The following ARHGAP24 variants were observed in gnomAD, a reference collection of about 807,000 sequenced individuals.
ARHGAP24 encodes rho GTPase-activating protein 24.
In ARHGAP24, 50 loss-of-function variants were observed where a neutral mutation model predicts 76.4. The ratio of observed to expected loss-of-function variants is 0.65; its 90% confidence interval spans 0.52 to 0.83. ARHGAP24 has a LOEUF of 0.83. Among genes scored for constraint, ARHGAP24 ranks in the 40% least tolerant of loss-of-function variants. The pLI, the probability that ARHGAP24 is intolerant of heterozygous loss-of-function variation, is 0.00. For synonymous variants in ARHGAP24, 345 were observed against 323.3 expected (o/e 1.07, Z -0.72); for missense variants, 930 against 914.2 (o/e 1.02, Z -0.22).
At chr4:85,771,836 A>G (rs1727139637) in intron 3 of ARHGAP24, among the ~76,000 whole-genome samples, 1 of 151,992 alleles carries the variant, frequency 6.6e-6, no homozygotes, top group South Asian at 2.1e-4. Flanking sequence ...CAGCCTCCCA[A>G]GTATGTGGGA....
intron 4 of ARHGAP24, among the ~76,000 whole-genome samples, chr4:85,927,292 C>T (rs147128358): frequency 2.6e-5 from 4 of 152,020 alleles, no homozygotes; most frequent in Non-Finnish European, 2.9e-5. Flanking sequence ...GGGAAATGTA[C>T]AGAGACAGAA....
intron 8 of ARHGAP24, among the ~76,000 whole-genome samples, chr4:85,980,260 A>G (rs1366545631): frequency 1.3e-5 from 2 of 152,220 alleles, no homozygotes; most frequent in Non-Finnish European, 2.9e-5. Flanking sequence ...TTACATGCAT[A>G]ATAAACATAT....
chr4:85,840,771 C>G (rs1730556769), intron 3 of ARHGAP24, among the ~76,000 whole-genome samples: 1 of 152,088 alleles, frequency 6.6e-6, no homozygotes, highest in Non-Finnish European at 1.5e-5. Flanking sequence ...TGGTAATCAA[C>G]CTTAAGTTGT....
intron 1 of ARHGAP24, among the ~76,000 whole-genome samples, chr4:85,535,338 G>C (rs998549990): frequency 3.3e-5 from 5 of 152,112 alleles, no homozygotes; most frequent in African/African-American, 1.2e-4. Context: ...ACATTCAACT[G>C]GATAACATAC....
chr4:85,923,999 A>G (rs981882466), intron 4 of ARHGAP24, among the ~76,000 whole-genome samples: 7 of 152,150 alleles, frequency 4.6e-5, no homozygotes, highest in African/African-American at 1.7e-4. Context: ...GTTGAATGAT[A>G]AAAATGGGTG....
At chr4:85,878,477 G>T (rs1167638421) in intron 3 of ARHGAP24, among the ~76,000 whole-genome samples, 1 of 152,078 alleles carries the variant, frequency 6.6e-6, no homozygotes, top group South Asian at 2.1e-4. Flanking sequence ...CATCTTTTAA[G>T]ATAGAGAAGA....
chr4:85,895,373 A>G (rs1033211806), intron 3 of ARHGAP24, among the ~76,000 whole-genome samples: 10 of 152,134 alleles, frequency 6.6e-5, no homozygotes, highest in African/African-American at 2.4e-4. Flanking sequence ...TATCTACACT[A>G]TGGCCAGTTG....
chr4:85,516,458 AC>A (rs1724505815), intron 1 of ARHGAP24, among the ~76,000 whole-genome samples: 3 of 152,176 alleles, frequency 2.0e-5, no homozygotes, highest in African/African-American at 4.8e-5. Context: ...ATGTTGTTTC[AC>A]TTAAAGTTGC....
At chr4:85,976,409 C>G (rs1358652716) in intron 7 of ARHGAP24, among the ~76,000 whole-genome samples, 1 of 152,134 alleles carries the variant, frequency 6.6e-6, no homozygotes, top group Non-Finnish European at 1.5e-5. Context: ...AAGATCCCCC[C>G]TCTGGTACCA....
At chr4:85,898,078 A>G (rs1190553849) in intron 3 of ARHGAP24, among the ~76,000 whole-genome samples, 5 of 147,860 alleles carry the variant, frequency 3.4e-5, no homozygotes, top group Non-Finnish European at 7.4e-5. Context: ...TTTATTGGTT[A>G]GGATGTTTTT....
At chr4:85,935,334 ATAAG>A (rs1466771102) in intron 4 of ARHGAP24, among the ~76,000 whole-genome samples, 1 of 152,246 alleles carries the variant, frequency 6.6e-6, no homozygotes. Flanking sequence ...CGAAACATAA[ATAAG>A]TACTTTGTGA....
At chr4:85,535,736 A>G (rs950550384) in intron 1 of ARHGAP24, among the ~76,000 whole-genome samples, 3 of 152,046 alleles carry the variant, frequency 2.0e-5, no homozygotes, top group African/African-American at 7.2e-5. Context: ...TTGTATATAG[A>G]TGTGTATGTA....
chr4:85,533,550 A>T (rs1725352129), intron 1 of ARHGAP24, among the ~76,000 whole-genome samples: 1 of 152,124 alleles, frequency 6.6e-6, no homozygotes, highest in Non-Finnish European at 1.5e-5. Context: ...AAAGTGTTTC[A>T]TTAGCTTTAG....
At chr4:85,840,357 A>C (rs1224415179) in intron 3 of ARHGAP24, among the ~76,000 whole-genome samples, 1 of 152,198 alleles carries the variant, frequency 6.6e-6, no homozygotes, top group Non-Finnish European at 1.5e-5. Context: ...TGCATTTTAC[A>C]TCCTGCCTTT....
intron 1 of ARHGAP24, among the ~76,000 whole-genome samples, chr4:85,477,112 A>C (rs1360552030): frequency 6.6e-6 from 1 of 152,206 alleles, no homozygotes; most frequent in Non-Finnish European, 1.5e-5. Flanking sequence ...AAGTGGGGAT[A>C]AGAGATAAAC....
chr4:85,680,658 C>G (rs1723171681), intron 2 of ARHGAP24, among the ~76,000 whole-genome samples: 1 of 151,848 alleles, frequency 6.6e-6, no homozygotes, highest in Non-Finnish European at 1.5e-5. Context: ...AGTGACTAAT[C>G]CAGGGTCTCA....
At chr4:85,622,125 T>A (rs1006055308) in intron 2 of ARHGAP24, among the ~76,000 whole-genome samples, 9 of 152,082 alleles carry the variant, frequency 5.9e-5, no homozygotes, top group African/African-American at 1.7e-4. Context: ...ACTTTAAGTT[T>A]TAGGGTGCAT....
intron 3 of ARHGAP24, among the ~76,000 whole-genome samples, chr4:85,915,754 C>A (rs1735351254): frequency 6.6e-6 from 1 of 152,152 alleles, no homozygotes; most frequent in South Asian, 2.1e-4. Context: ...ATGAACTCAT[C>A]CTTTTTTATG....
chr4:85,854,156 GA>G (rs938129515), intron 3 of ARHGAP24, among the ~76,000 whole-genome samples: 3 of 124,892 alleles, frequency 2.4e-5, no homozygotes, highest in South Asian at 2.6e-4. Context: ...AAAAAAAAAA[GA>G]AAAAAAAGGA....
Sources: gnomAD v4.1 joint callset for allele counts (sites outside exome capture counted in the v4.1 genomes callset) on GRCh38, gnomAD v4.1.1 for gene constraint, MANE v1.5 for transcripts, NCBI Gene and HGNC (gene_info 2026-07-23, HGNC 2026-07-21) for gene names.